LUZP2: variants seen among roughly 807,000 people sequenced by gnomAD.
The protein encoded by LUZP2 is leucine zipper protein 2.
LUZP2 carries 52 observed loss-of-function variants against 51.6 expected under a neutral mutation model. That is an observed-to-expected ratio of 1.01 (90% CI 0.81 to 1.27). LUZP2 has a LOEUF of 1.27. LUZP2 is among the 50% of genes most tolerant of loss of function. The pLI is 0.00. For missense variants in LUZP2, 436 were observed against 395.4 expected (o/e 1.10, Z -0.87); for synonymous variants, 154 against 137.3 (o/e 1.12, Z -0.85).
At chr11:24,699,150 C>A (rs1038811424) in intron 1 of LUZP2, among the ~76,000 whole-genome samples, 3 of 148,726 alleles carry the variant, frequency 2.0e-5, no homozygotes, top group African/African-American at 7.4e-5. Context: ...TCTCTCTATT[C>A]ATTTGCAAAC....
At chr11:25,018,288 C>T (rs1314012317) in intron 9 of LUZP2, among the ~76,000 whole-genome samples, 2 of 151,932 alleles carry the variant, frequency 1.3e-5, no homozygotes, top group African/African-American at 2.4e-5. Flanking sequence ...AATTTGGATG[C>T]CCTCTATTTC....
intron 4 of LUZP2, among the ~76,000 whole-genome samples, chr11:24,741,297 G>C (rs1859130477): frequency 6.6e-6 from 1 of 151,974 alleles, no homozygotes; most frequent in Non-Finnish European, 1.5e-5. Flanking sequence ...TCAGTGATCA[G>C]GGGCAACACA....
At chr11:25,004,862 G>T (rs1467845191) in intron 9 of LUZP2, among the ~76,000 whole-genome samples, 1 of 152,094 alleles carries the variant, frequency 6.6e-6, no homozygotes, top group Non-Finnish European at 1.5e-5. Flanking sequence ...CTGTCATTCT[G>T]TCATTTACTT....
Position 24,616,816 on chromosome 11 carries a change from T to C in LUZP2, c.63-112353T>C, listed in dbSNP as rs148860076. On this transcript the variant is annotated intron_variant, in intron 1 of 11. Coordinates refer to ENST00000336930, the MANE Select transcript of LUZP2 (RefSeq NM_001009909.4). ...CTGCCTTTCCATATGCAGGTCTACC[T>C]CTATAAAAATGTTCCTAAGATTTTG... Among the ~76,000 whole-genome samples the C allele has an allele frequency of 3.6e-3, 549 of 152,296 alleles. 5 individuals carry two copies. The highest frequency in any genetic ancestry group is 0.013 in the African/African-American group (540 of 41,566).
chr11:24,950,997 T>C (rs903280076), intron 7 of LUZP2, among the ~76,000 whole-genome samples: 1 of 151,636 alleles, frequency 6.6e-6, no homozygotes, highest in South Asian at 2.1e-4. Flanking sequence ...TCTTTCAACA[T>C]TTTATGTTCA....
chr11:24,607,780 T>G (rs1853978226), intron 1 of LUZP2, among the ~76,000 whole-genome samples: 1 of 152,046 alleles, frequency 6.6e-6, no homozygotes, highest in Admixed American at 6.6e-5. Flanking sequence ...TTAAAATATA[T>G]CTACCTAATT....
intron 7 of LUZP2, among the ~76,000 whole-genome samples, chr11:24,946,960 C>A (rs982168223): frequency 2.0e-5 from 3 of 151,808 alleles, no homozygotes; most frequent in Non-Finnish European, 4.4e-5. Flanking sequence ...ATTTTTAAAG[C>A]AGCCAGCAGG....
At chr11:25,068,722 T>C (rs563923808) in intron 10 of LUZP2, among the ~76,000 whole-genome samples, 2 of 152,092 alleles carry the variant, frequency 1.3e-5, no homozygotes, top group Admixed American at 6.6e-5. Context: ...ATTTACAATG[T>C]AATTGTTGCT....
intron 1 of LUZP2, among the ~76,000 whole-genome samples, chr11:24,700,186 C>T (rs1320709090): frequency 4.6e-5 from 7 of 151,976 alleles, no homozygotes; most frequent in Admixed American, 4.6e-4. Context: ...CTCAGCCTCC[C>T]CAGTAGCTGG....
At chr11:24,592,409 T>C (rs1319218347) in intron 1 of LUZP2, among the ~76,000 whole-genome samples, 1 of 152,198 alleles carries the variant, frequency 6.6e-6, no homozygotes, top group African/African-American at 2.4e-5. Context: ...TAATTGTTTA[T>C]TTAAAAGATA....
chr11:24,762,424 A>G (rs190253556), intron 4 of LUZP2, among the ~76,000 whole-genome samples: 18 of 152,326 alleles, frequency 1.2e-4, no homozygotes, highest in Non-Finnish European at 1.5e-5. Context: ...TCCAAATAAT[A>G]TTTTGAATAT....
At chr11:24,877,766 T>C (rs906560198) in intron 5 of LUZP2, among the ~76,000 whole-genome samples, 1 of 152,134 alleles carries the variant, frequency 6.6e-6, no homozygotes, top group African/African-American at 2.4e-5. Context: ...CAACTACTCT[T>C]CTCAGGCTGT....
chr11:24,734,860 C>T (rs1858871206), intron 3 of LUZP2, among the ~76,000 whole-genome samples: 1 of 151,792 alleles, frequency 6.6e-6, no homozygotes, highest in Non-Finnish European at 1.5e-5. Context: ...TTGGTCACAT[C>T]CCTGGCTCTC....
At chr11:24,894,702 A>G (rs1462086578) in intron 5 of LUZP2, among the ~76,000 whole-genome samples, 4 of 151,172 alleles carry the variant, frequency 2.6e-5, no homozygotes, top group African/African-American at 9.7e-5. Flanking sequence ...ACAACGTGTC[A>G]TTTGGTTTCC....
chr11:24,537,133 T>A (rs1169210242), intron 1 of LUZP2, among the ~76,000 whole-genome samples: 1 of 151,872 alleles, frequency 6.6e-6, no homozygotes, highest in African/African-American at 2.4e-5. Context: ...TACAGATCAC[T>A]ATAATGGAAA....
chr11:24,803,765 A>G (rs1370669139), intron 5 of LUZP2, among the ~76,000 whole-genome samples: 1 of 152,114 alleles, frequency 6.6e-6, no homozygotes, highest in African/African-American at 2.4e-5. Context: ...ACTGTTTTTT[A>G]TATGCACTAA....
chr11:24,911,719 A>C (rs1314106026), intron 6 of LUZP2, among the ~76,000 whole-genome samples: 1 of 152,118 alleles, frequency 6.6e-6, no homozygotes, highest in Non-Finnish European at 1.5e-5. Context: ...ACAGAGAGTA[A>C]ATTAACATAA....
intron 1 of LUZP2, among the ~76,000 whole-genome samples, chr11:24,626,384 A>C (rs946197835): frequency 5.9e-5 from 9 of 152,226 alleles, no homozygotes; most frequent in African/African-American, 1.9e-4. Context: ...GCTTACAATC[A>C]GGAGAAAATA....
intron 1 of LUZP2, among the ~76,000 whole-genome samples, chr11:24,642,296 T>C (rs1855316821): frequency 6.6e-6 from 1 of 151,834 alleles, no homozygotes; most frequent in Non-Finnish European, 1.5e-5. Context: ...TGTCCTGGGA[T>C]CTCCTGATTT....
Sources: allele counts gnomAD v4.1 joint callset (sites outside exome capture counted in the v4.1 genomes callset), GRCh38; gene constraint gnomAD v4.1.1; transcripts MANE v1.5; gene names NCBI Gene and HGNC (gene_info 2026-07-23, HGNC 2026-07-21).